The following USO1 variants were observed in gnomAD, a reference collection of about 807,000 sequenced individuals.
USO1 encodes general vesicular transport factor p115.
Under a neutral mutation model 124.5 loss-of-function variants are expected in USO1, and 57 were observed. The observed-to-expected ratio is 0.46, with a 90% confidence interval of 0.37 to 0.57. The LOEUF (loss-of-function observed/expected upper bound fraction) is 0.57. Ranked by LOEUF, USO1 falls within the 20% of genes least tolerant of loss-of-function variation. USO1 has a pLI of 0.00. For missense variants in USO1, 900 were observed against 1,040.6 expected, an observed-to-expected ratio of 0.86 and a Z score of 1.86; for synonymous variants, 369 against 362.8, an observed-to-expected ratio of 1.02 and a Z score of -0.19.
intron 1 of USO1, among the ~76,000 whole-genome samples, chr4:75,747,661 G>A (rs2149149946): frequency 7.2e-6 from 1 of 139,704 alleles, no homozygotes; most frequent in Non-Finnish European, 1.5e-5. Context: ...CCAGGCTGGA[G>A]TGCAGTGGCG....
intron 4 of USO1, among the ~76,000 whole-genome samples, chr4:75,767,146 T>C (rs1405868406): frequency 6.6e-6 from 1 of 152,152 alleles, no homozygotes; most frequent in Non-Finnish European, 1.5e-5. Context: ...CCTCTTAATA[T>C]TAGAATGCCA....
intron 1 of USO1, among the ~76,000 whole-genome samples, chr4:75,725,962 C>A (rs1238683066): frequency 2.0e-5 from 3 of 152,054 alleles, no homozygotes; most frequent in African/African-American, 7.2e-5. Flanking sequence ...GTATTCTCAC[C>A]TTAAAAGTCA....
intron 12 of USO1, among the ~76,000 whole-genome samples, 189 bp downstream of exon 12, chr4:75,790,986 A>T (rs1052650229): frequency 6.6e-6 from 1 of 151,602 alleles, no homozygotes; most frequent in Non-Finnish European, 1.5e-5. Flanking sequence ...GAGTCAGACC[A>T]GAGTTTGCAT....
chr4:75,784,674 C>G (rs1179818755), intron 9 of USO1, among the ~76,000 whole-genome samples: 1 of 151,952 alleles, frequency 6.6e-6, no homozygotes, highest in African/African-American at 2.4e-5. Context: ...CACCTATTGT[C>G]CCAACTACTC....
At chr4:75,752,179 A>G (rs1721312309) in intron 1 of USO1, among the ~76,000 whole-genome samples, 194 bp from the exon 2 acceptor site, 1 of 152,076 alleles carries the variant, frequency 6.6e-6, no homozygotes, top group African/African-American at 2.4e-5. Flanking sequence ...CCCACTTTTT[A>G]AGTCTCTGCA....
rs1194735324 is a variant in USO1 at position 75,793,564 on chromosome 4, T to A, written c.1241-126T>A. 4 of 1,236,348 alleles carry A rather than the reference T, an allele frequency of 3.2e-6. No homozygotes were observed. In the African/African-American group the frequency reaches 6.1e-5, roughly 19 times the overall value. 76.6% of individuals were successfully genotyped at this position (1,236,348 alleles called of 1,614,324 possible). A position where few individuals can be genotyped will look rare whatever the true frequency, so the allele number is the denominator to read the frequency against. ...AAGTATATTTAATACTACTCATTAA[T>A]ACATGTTTAATGATTATATTTAATG... On this transcript the variant is annotated intron_variant, in intron 12 of 23. Coordinates refer to ENST00000514213, the MANE Select transcript of USO1 (RefSeq NM_003715.4).
At position 75,778,189 on chromosome 4, in the gene USO1, C is replaced by G. The variant is rs768958830; in HGVS notation, c.676+3393C>G. 2.6e-4 allele frequency among the ~76,000 whole-genome samples: 40 copies of G among 152,136 alleles called. 1 individual carries two copies. The highest frequency in any genetic ancestry group is 8.0e-4 in the African/African-American group (33 of 41,502). The stretch of plus-strand genomic sequence containing the variant: ...AAATCTACTTTTTAACTTTTGGCTC[C>G]CCCAAAACTTAACCGCTAATAGACT... On this transcript the variant is annotated intron_variant, in intron 8 of 23. Coordinates refer to ENST00000514213, the MANE Select transcript of USO1 (RefSeq NM_003715.4).
intron 22 of USO1, among the ~76,000 whole-genome samples, chr4:75,811,936 T>G (rs1444010593): frequency 6.6e-6 from 1 of 152,174 alleles, no homozygotes; most frequent in Non-Finnish European, 1.5e-5. Flanking sequence ...CTAAAACTAT[T>G]TTTTGGATGT....
At chr4:75,774,607 T>C (rs1444137677) in intron 7 of USO1, 69 bp from the exon 8 acceptor site, 2 of 1,518,646 alleles carry the variant, frequency 1.3e-6, no homozygotes, top group African/African-American at 2.8e-5. Flanking sequence ...AATTCTGTGA[T>C]TTTTGAAGTA....
intron 1 of USO1, 54 bp downstream of exon 1, chr4:75,724,939 A>C: frequency 6.3e-7 from 1 of 1,597,402 alleles, no homozygotes. Context: ...AGGGACGGGG[A>C]CGGAGCACTC....
At chr4:75,755,406 G>A (rs1244212394) in intron 3 of USO1, 22 of 515,402 alleles carry the variant, frequency 4.3e-5, no homozygotes, top group South Asian at 2.1e-4. Context: ...TCTGAAATGC[G>A]TATCTTCAGT....
chr4:75,778,626 G>T (rs1722136396), intron 8 of USO1, among the ~76,000 whole-genome samples: 1 of 152,152 alleles, frequency 6.6e-6, no homozygotes, highest in African/African-American at 2.4e-5. Flanking sequence ...GAGGAAAGAA[G>T]AGATGAATAG....
At chr4:75,778,482 C>CAT (rs1021794939) in intron 8 of USO1, among the ~76,000 whole-genome samples, 8 of 152,068 alleles carry the variant, frequency 5.3e-5, no homozygotes, top group Non-Finnish European at 1.2e-4. Context: ...AGGAAGAAAA[C>CAT]ATATATATAA....
intron 1 of USO1, among the ~76,000 whole-genome samples, chr4:75,725,280 G>T (rs1024924022): frequency 6.6e-6 from 1 of 152,224 alleles, no homozygotes; most frequent in Non-Finnish European, 1.5e-5. Flanking sequence ...GCCGAGAGGA[G>T]CCTGAAGTCC....
intron 19 of USO1, 62 bp downstream of exon 19, chr4:75,805,365 T>C: frequency 7.2e-7 from 1 of 1,383,856 alleles, no homozygotes; most frequent in Non-Finnish European, 9.5e-7. Context: ...TATCCTGCCT[T>C]TTTTTTTTTT....
chr4:75,807,759 A>C (rs1403704237), intron 20 of USO1, among the ~76,000 whole-genome samples: 2 of 152,170 alleles, frequency 1.3e-5, no homozygotes, highest in Non-Finnish European at 2.9e-5. Flanking sequence ...TGTAAATTCT[A>C]AGTAAAAATA....
At chr4:75,798,696 A>G (rs771920430) in intron 13 of USO1, among the ~76,000 whole-genome samples, 2 of 152,202 alleles carry the variant, frequency 1.3e-5, no homozygotes, top group Admixed American at 6.5e-5. Context: ...ATTTTTCGGA[A>G]CACAGTGATG....
chr4:75,754,444 G>A (rs936402642), intron 3 of USO1, among the ~76,000 whole-genome samples: 1 of 152,134 alleles, frequency 6.6e-6, no homozygotes, highest in Non-Finnish European at 1.5e-5. Flanking sequence ...TGCATGGATA[G>A]CTTCCAGATC....
intron 1 of USO1, among the ~76,000 whole-genome samples, chr4:75,733,737 T>C (rs549758175): frequency 6.6e-6 from 1 of 152,254 alleles, no homozygotes; most frequent in South Asian, 2.1e-4. Context: ...AGATGCATGG[T>C]TTGCAGATGT....
Sources: gnomAD v4.1 joint callset for allele counts (sites outside exome capture counted in the v4.1 genomes callset) on GRCh38, gnomAD v4.1.1 for gene constraint, MANE v1.5 for transcripts, NCBI Gene and HGNC (gene_info 2026-07-23, HGNC 2026-07-21) for gene names.